CCDC13: variants seen among roughly 807,000 people sequenced by gnomAD.
CCDC13 encodes coiled-coil domain containing 13.
In CCDC13, 70 loss-of-function variants were observed where a neutral mutation model predicts 87.3. The ratio of observed to expected loss-of-function variants is 0.80; its 90% CI spans 0.66 to 0.98. The LOEUF (loss-of-function observed/expected upper bound fraction) is 0.98. Ranked by LOEUF, CCDC13 falls within the 50% of genes least tolerant of loss-of-function variation. The pLI is 0.00. For missense variants in CCDC13, 842 were observed against 892.0 expected, an observed-to-expected ratio of 0.94 and a Z score of 0.71; for synonymous variants, 317 against 360.3, an observed-to-expected ratio of 0.88 and a Z score of 1.36.
intron 13 of CCDC13, among the ~76,000 whole-genome samples, chr3:42,722,614 T>G (rs1487451336): frequency 6.6e-6 from 1 of 152,044 alleles, no homozygotes; most frequent in Non-Finnish European, 1.5e-5. Context: ...ATCAGTGCCA[T>G]GACAGTTTAC....
intron 1 of CCDC13, among the ~76,000 whole-genome samples, chr3:42,771,418 G>A (rs1010764863): frequency 6.6e-6 from 1 of 152,120 alleles, no homozygotes; most frequent in African/African-American, 2.4e-5. Context: ...TGGATACACA[G>A]CATTACACAT....
chr3:42,723,315 T>C (rs1698610833), intron 13 of CCDC13, among the ~76,000 whole-genome samples: 1 of 152,142 alleles, frequency 6.6e-6, no homozygotes, highest in Admixed American at 6.5e-5. Context: ...CTAAAAGGAC[T>C]CATATGATTA....
chr3:42,765,553 G>A (rs1442239408), intron 1 of CCDC13, among the ~76,000 whole-genome samples: 1 of 152,152 alleles, frequency 6.6e-6, no homozygotes, highest in African/African-American at 2.4e-5. Flanking sequence ...CTACAGGCAT[G>A]CACCACTACG....
chr3:42,772,440 G>A (rs147542334), intron 1 of CCDC13, among the ~76,000 whole-genome samples: 2 of 152,254 alleles, frequency 1.3e-5, no homozygotes, highest in Non-Finnish European at 2.9e-5. Flanking sequence ...GACCATAGGT[G>A]ACAGGGACCA....
At chr3:42,762,009 T>C (rs2125912211) in intron 1 of CCDC13, among the ~76,000 whole-genome samples, 1 of 152,356 alleles carries the variant, frequency 6.6e-6, no homozygotes, top group Admixed American at 6.5e-5. Context: ...CCAGAGCCTG[T>C]ACCCAGTTAC....
rs147988923 is a variant in CCDC13 at position 42,747,365 on chromosome 3, G to A, written c.612C>T (p.Thr204=). ...AQMGDRALLE[T]PEVKALQDRL... The stretch of plus-strand genomic sequence containing the variant: ...TGTCCTGCAGGGCCTTCACCTCTGG[G>A]GTCTCCAGCTGGTTGGGAAGGACAG... The change falls in exon 6 of 16, where the codon ACC becomes ACT. Residue 204 remains threonine (T), a synonymous_variant. Transcript: ENST00000310232. 2 of 1,612,686 alleles carry A rather than the reference G, an allele frequency of 1.2e-6. No individual in the cohort carries two copies. Among genetic ancestry groups the A allele is most frequent in the Non-Finnish European group, 1.7e-6 (2 of 1,179,042 alleles).
intron 7 of CCDC13, among the ~76,000 whole-genome samples, chr3:42,744,188 G>A (rs908341019): frequency 6.6e-6 from 1 of 152,176 alleles, no homozygotes; most frequent in Non-Finnish European, 1.5e-5. Context: ...GATGGTCTAG[G>A]TGAAGCTGTC....
chr3:42,752,854 G>C, intron 3 of CCDC13, 137 bp from the exon 4 acceptor site: 4 of 1,027,590 alleles, frequency 3.9e-6, no homozygotes, highest in Non-Finnish European at 5.7e-6. Context: ...ACTAACTTAG[G>C]AGGGTCACCA....
At chr3:42,766,333 G>A (rs1323795659) in intron 1 of CCDC13, among the ~76,000 whole-genome samples, 1 of 152,086 alleles carries the variant, frequency 6.6e-6, no homozygotes, top group Non-Finnish European at 1.5e-5. Context: ...GCAGCATGAG[G>A]AGAAGGTGTA....
intron 6 of CCDC13, 55 bp downstream of exon 6, chr3:42,747,202 T>G (rs1559654219): frequency 1.5e-6 from 2 of 1,360,638 alleles, no homozygotes; most frequent in Non-Finnish European, 2.1e-6. Context: ...AGCCGTGCTC[T>G]TCCCAAGTCC....
At chr3:42,743,600 TACACACAC>T (rs377644122) in intron 7 of CCDC13, among the ~76,000 whole-genome samples, 4 of 125,756 alleles carry the variant, frequency 3.2e-5, no homozygotes, top group African/African-American at 1.4e-4. Context: ...TATATATATA[TACACACAC>T]ACATATATAT....
At chr3:42,757,980 T>C (rs1699740021) in intron 2 of CCDC13, 145 bp downstream of exon 2, 2 of 646,970 alleles carry the variant, frequency 3.1e-6, no homozygotes, top group Admixed American at 5.8e-5. Flanking sequence ...TCAAAACTTG[T>C]TAAATGCAGC....
chr3:42,752,160 G>T, intron 4 of CCDC13, 135 bp from the exon 5 acceptor site: 1 of 709,618 alleles, frequency 1.4e-6, no homozygotes. Context: ...ATCATTAATG[G>T]CAGCATTCTC....
intron 13 of CCDC13, among the ~76,000 whole-genome samples, chr3:42,714,380 A>T (rs1698383941): frequency 1.3e-5 from 2 of 152,236 alleles, no homozygotes; most frequent in Non-Finnish European, 2.9e-5. Flanking sequence ...AATTAGTTAG[A>T]GCCATGACGC....
intron 15 of CCDC13, 65 bp from the exon 16 acceptor site, chr3:42,709,204 G>A: frequency 6.6e-7 from 1 of 1,506,996 alleles, no homozygotes; most frequent in Middle Eastern, 1.8e-4. Context: ...GGGTGACAGA[G>A]GGCCCTGGGA....
chr3:42,741,806 T>A (rs557964341), intron 8 of CCDC13, among the ~76,000 whole-genome samples: 2 of 152,238 alleles, frequency 1.3e-5, no homozygotes, highest in Non-Finnish European at 2.9e-5. Flanking sequence ...CTGGCTGGCA[T>A]ACAAAGCCCA....
At chr3:42,743,837 C>T (rs547797631) in intron 7 of CCDC13, among the ~76,000 whole-genome samples, 2 of 151,716 alleles carry the variant, frequency 1.3e-5, no homozygotes, top group Non-Finnish European at 2.9e-5. Flanking sequence ...CGGAAGATGG[C>T]AGTCACTTAC....
At chr3:42,754,902 T>C (rs1220145167) in intron 3 of CCDC13, among the ~76,000 whole-genome samples, 3 of 152,156 alleles carry the variant, frequency 2.0e-5, no homozygotes, top group Non-Finnish European at 2.9e-5. Flanking sequence ...AACCCCTTGA[T>C]AAATGGGGGC....
chr3:42,756,447 GC>G (rs1699705660), intron 3 of CCDC13, among the ~76,000 whole-genome samples: 2 of 152,288 alleles, frequency 1.3e-5, no homozygotes, highest in Non-Finnish European at 2.9e-5. Context: ...CCAAGGTCTA[GC>G]CCAGACTTAC....
Sources: gnomAD v4.1 joint callset for allele counts (sites outside exome capture counted in the v4.1 genomes callset) on GRCh38, gnomAD v4.1.1 for gene constraint, MANE v1.5 for transcripts, NCBI Gene and HGNC (gene_info 2026-07-23, HGNC 2026-07-21) for gene names.